Variants in NFIC observed in about 807,000 individuals in gnomAD.
NFIC encodes the protein nuclear factor 1 C-type.
NFIC carries 12 observed loss-of-function variants against 54.4 expected under a neutral mutation model. That is an observed-to-expected ratio of 0.22 (90% confidence interval 0.14 to 0.36). NFIC has a LOEUF of 0.36. Among genes scored for constraint, NFIC ranks in the 10% least tolerant of loss-of-function variants. The probability of loss-of-function intolerance (pLI) is 1.00; values close to 1 mark genes in which losing one functional copy is unlikely to be tolerated. For missense variants in NFIC, 575 were observed against 718.2 expected (o/e 0.80, Z 2.28); for synonymous variants, 322 against 319.2 (o/e 1.01, Z -0.09).
chr19:3,387,321 G>A (rs921806006), intron 2 of NFIC, among the ~76,000 whole-genome samples: 8 of 152,138 alleles, frequency 5.3e-5, no homozygotes, highest in Admixed American at 4.6e-4. Context: ...GGCCAACATG[G>A]TGAAACCCCA....
At chr19:3,367,920 T>C (rs1035988306) in intron 1 of NFIC, among the ~76,000 whole-genome samples, 1 of 152,056 alleles carries the variant, frequency 6.6e-6, no homozygotes, top group Non-Finnish European at 1.5e-5. Context: ...TGCTCCTTGG[T>C]AGGGTCTTTC....
chr19:3,406,395 AT>A (rs11362914), intron 2 of NFIC, among the ~76,000 whole-genome samples: 117,271 of 141,918 alleles, frequency 0.83, 47,225 homozygotes, highest in East Asian at 0.89. Flanking sequence ...TGCCCTGCCT[AT>A]TTTTTTTTTT....
chr19:3,452,680 G>A lies in NFIC; in HGVS notation c.1269+14G>A. Reference sequence around the variant, plus strand: ...CAACCTGGACCGGTGAGTTGGGCGGGGCGCATTCGGGCCTCTCCTGGCGGC... The same window carrying A: ...CAACCTGGACCGGTGAGTTGGGCGGAGCGCATTCGGGCCTCTCCTGGCGGC... On this transcript the variant is annotated intron_variant, in intron 8 of 10. Transcript: ENST00000443272. The surrounding 1 kb of genome is among the most constrained non-coding windows in gnomAD (Gnocchi z 5.3). The A allele has an allele frequency of 6.3e-7, 1 of 1,583,566 alleles. No homozygotes were observed. The highest frequency in any genetic ancestry group is 8.6e-7 in the Non-Finnish European group (1 of 1,165,808).
chr19:3,394,519 A>ACCCCC lies in NFIC; in HGVS notation c.562+12279_562+12280insCCCCC, dbSNP rs138210089. 1.2e-3 allele frequency among the ~76,000 whole-genome samples: 56 copies of ACCCCC among 47,324 alleles called. 1 individual carries two copies. The highest frequency in any genetic ancestry group is 5.3e-3 in the East Asian group (5 of 938). 31.0% of individuals were successfully genotyped at this position (47,324 alleles called of 152,430 possible). ...CGAGGTATTTTATGATCTTTTCCCCACCCACCCCCCACCCGCTTACACTAA... is the reference window on the plus strand; with the variant it reads ...CGAGGTATTTTATGATCTTTTCCCCACCCCCCCCACCCCCCACCCGCTTACACTAA... On this transcript the variant is annotated intron_variant, in intron 2 of 10. Transcript: ENST00000443272.
intron 6 of NFIC, among the ~76,000 whole-genome samples, chr19:3,437,376 A>C (rs1168211338): frequency 1.3e-5 from 2 of 151,810 alleles, no homozygotes; most frequent in Non-Finnish European, 2.9e-5. Flanking sequence ...TCAAAAAAAA[A>C]AAAAAATTCC....
At position 3,463,625 on chromosome 19, in the gene NFIC, T is replaced by G. The variant is rs950990957; in HGVS notation, c.*856T>G. ...TCTCTATGCAATTGGCCCCGGCCCC[T>G]CCACCCCCCACCCCCGGCATAGGAG... On this transcript the variant is annotated 3_prime_UTR_variant, in exon 11 of 11. Transcript: ENST00000443272. 3 of 143,102 alleles carry G rather than the reference T, an allele frequency of 2.1e-5. No homozygotes were observed. Among genetic ancestry groups the G allele is most frequent in the Non-Finnish European group, 2.5e-5 (3 of 120,804 alleles). The allele number at this position is 143,102 out of a possible 1,614,324, so 8.9% of individuals were successfully genotyped here.
upstream of NFIC, chr19:3,366,545 G>GGT (rs2080887303): frequency 1.9e-6 from 1 of 520,104 alleles, no homozygotes; most frequent in Non-Finnish European, 2.8e-6. Flanking sequence ...GGGGGGGGGG[G>GGT]TTGGGGGGGG....
chr19:3,371,908 CTT>C lies in NFIC; in HGVS notation c.30+5243_30+5244del, dbSNP rs1568400001. On this transcript the variant is annotated intron_variant, in intron 1 of 10. Coordinates refer to ENST00000443272, the MANE Select transcript of NFIC (RefSeq NM_001245002.2). The stretch of plus-strand genomic sequence containing the variant: ...CCTTCCTTCCTTCCTTCCTTCCTTC[CTT>C]CCTTCCTTCCTTCCTTCCTTCCTTC... Among the ~76,000 whole-genome samples, 4 of 126,672 alleles carry C rather than the reference CTT, an allele frequency of 3.2e-5. No homozygotes were observed. The East Asian group carries it at 9.3e-4, about 29-fold the overall frequency. The allele number at this position is 126,672 out of a possible 152,430, so 83.1% of individuals were successfully genotyped here.
rs377262307 is a variant in NFIC, at chr19:3,368,947, G to A, written c.30+2281G>A. 2.1e-5 allele frequency among the ~76,000 whole-genome samples: 3 copies of A among 141,182 alleles called. No homozygotes were observed. The Admixed American group carries it at 2.2e-4, about 10-fold the overall frequency. The allele number at this position is 141,182 out of a possible 152,430, so 92.6% of individuals were successfully genotyped here. On this transcript the variant is annotated intron_variant, in intron 1 of 10. Transcript: ENST00000443272. Reference sequence around the variant, plus strand: ...TGTGTGTGTGTGTGTGTGTGTGTGTGTCTGTTTCTCCCTGTCTCTCCATCT... The same window carrying A: ...TGTGTGTGTGTGTGTGTGTGTGTGTATCTGTTTCTCCCTGTCTCTCCATCT...
At chr19:3,400,335 G>A (rs995313324) in intron 2 of NFIC, among the ~76,000 whole-genome samples, 2 of 152,054 alleles carry the variant, frequency 1.3e-5, no homozygotes, top group East Asian at 1.9e-4. Context: ...AAATTAGCCA[G>A]GCGTGATGGC....
intron 6 of NFIC, among the ~76,000 whole-genome samples, chr19:3,437,173 C>T (rs1009466081): frequency 4.6e-5 from 7 of 151,960 alleles, no homozygotes; most frequent in Non-Finnish European, 8.8e-5. Flanking sequence ...CGAGACCATC[C>T]CGGCTAACAC....
chr19:3,401,327 G>A (rs1177583153), intron 2 of NFIC, among the ~76,000 whole-genome samples: 1 of 152,126 alleles, frequency 6.6e-6, no homozygotes, highest in Non-Finnish European at 1.5e-5. Context: ...CAGACTGTGG[G>A]GGGTGAGGGC....
In NFIC at chr19:3,465,708, C is replaced by T. The variant is rs570742822; in HGVS notation, c.*2939C>T. On this transcript the variant is annotated 3_prime_UTR_variant, in exon 11 of 11. Transcript: ENST00000443272. Reference sequence around the variant, plus strand: ...CTCTCCTCTCTGATTGGTCCCTAGGCCACGGGCCGGCCCCCAGACACCATT... The same window carrying T: ...CTCTCCTCTCTGATTGGTCCCTAGGTCACGGGCCGGCCCCCAGACACCATT... The T allele has an allele frequency of 1.3e-5, 2 of 152,388 alleles. No individual in the cohort carries two copies. The highest frequency in any genetic ancestry group is 4.8e-5 in the African/African-American group (2 of 41,572). The allele number at this position is 152,388 out of a possible 1,614,324, so 9.4% of individuals were successfully genotyped here.
At chr19:3,387,652 T>C (rs571699186) in intron 2 of NFIC, among the ~76,000 whole-genome samples, 2 of 147,786 alleles carry the variant, frequency 1.4e-5, no homozygotes, top group East Asian at 4.0e-4. Flanking sequence ...GGTGAGGGAG[T>C]CTGGAGAGGC....
chr19:3,365,478 A>T (rs927181540), upstream of NFIC, among the ~76,000 whole-genome samples: 1 of 152,074 alleles, frequency 6.6e-6, no homozygotes, highest in African/African-American at 2.4e-5. Context: ...CAGGGAGTGA[A>T]CCGGGGGAGG....
chr19:3,367,978 G>A (rs1290669987), intron 1 of NFIC, among the ~76,000 whole-genome samples: 1 of 152,180 alleles, frequency 6.6e-6, no homozygotes, highest in Non-Finnish European at 1.5e-5. Flanking sequence ...TGGTGCTGAG[G>A]GGGTCTGAGG....
intron 1 of NFIC, among the ~76,000 whole-genome samples, chr19:3,377,273 G>T (rs957696570): frequency 2.1e-5 from 3 of 142,002 alleles, no homozygotes; most frequent in Admixed American, 7.2e-5. Flanking sequence ...GGTAGAGTTT[G>T]CAGTGAGCTG....
chr19:3,460,881 T>C (rs2082629179), intron 10 of NFIC, among the ~76,000 whole-genome samples: 1 of 151,828 alleles, frequency 6.6e-6, no homozygotes, highest in Non-Finnish European at 1.5e-5. Context: ...TCCCAGCACT[T>C]TGGGAGGCCA....
At chr19:3,391,462 C>A (rs1212078583) in intron 2 of NFIC, among the ~76,000 whole-genome samples, 3 of 151,916 alleles carry the variant, frequency 2.0e-5, no homozygotes, top group Non-Finnish European at 2.9e-5. Context: ...ACCAGCCCAG[C>A]CAACATGGTA....
Sources: allele counts gnomAD v4.1 joint callset (sites outside exome capture counted in the v4.1 genomes callset), GRCh38; gene constraint gnomAD v4.1.1; non-coding constraint Gnocchi (gnomAD v3.1); transcripts MANE v1.5; gene names NCBI Gene and HGNC (gene_info 2026-07-23, HGNC 2026-07-21).